POTEI: variants seen among roughly 807,000 people sequenced by gnomAD.
The protein encoded by POTEI is POTE ankyrin domain family member I, also known as POTE ankyrin domain family, member I.
A neutral mutation model predicts 43.4 loss-of-function variants in POTEI; 14 were observed. The observed-to-expected ratio is 0.32, with a 90% CI of 0.21 to 0.50. POTEI has a LOEUF of 0.50. Among genes scored for constraint, POTEI ranks in the 20% least tolerant of loss-of-function variants. The pLI, the probability that POTEI is intolerant of heterozygous loss-of-function variation, is 0.98. For synonymous variants in POTEI, 95 were observed against 297.9 expected, an observed-to-expected ratio of 0.32 and a Z score of 7.01; for missense variants, 235 against 795.4, an observed-to-expected ratio of 0.30 and a Z score of 8.47.
At chr2:130,491,803 C>T (rs4044418) in intron 6 of POTEI, among the ~76,000 whole-genome samples, 3 of 107,290 alleles carry the variant, frequency 2.8e-5, no homozygotes, top group Admixed American at 1.1e-4. Flanking sequence ...TACAGGCATG[C>T]ACCATCATGC....
intron 10 of POTEI, among the ~76,000 whole-genome samples, chr2:130,477,577 C>G (rs563799905): frequency 6.7e-6 from 1 of 148,878 alleles, no homozygotes; most frequent in Non-Finnish European, 1.5e-5. Context: ...ACCACCTAAA[C>G]TGTACATTAT....
At chr2:130,495,313 T>A (rs1483571724) in intron 6 of POTEI, among the ~76,000 whole-genome samples, 2 of 47,026 alleles carry the variant, frequency 4.3e-5, no homozygotes, top group African/African-American at 9.5e-5. Context: ...AAGAAAAAGC[T>A]CCTGTCTGTA....
chr2:130,493,039 C>T (rs1432400707), intron 6 of POTEI, among the ~76,000 whole-genome samples: 103 of 129,678 alleles, frequency 7.9e-4, no homozygotes, highest in African/African-American at 2.7e-3. Flanking sequence ...AAAGGAAGAA[C>T]ACAAAAATGC....
chr2:130,468,898 TA>T (rs1374773239), intron 13 of POTEI, among the ~76,000 whole-genome samples: 1 of 152,078 alleles, frequency 6.6e-6, no homozygotes, highest in Non-Finnish European at 1.5e-5. Context: ...TTTAATGAGA[TA>T]AAAATGTATA....
chr2:130,483,410 A>T (rs1034123021), intron 9 of POTEI, among the ~76,000 whole-genome samples: 7 of 132,432 alleles, frequency 5.3e-5, no homozygotes, highest in African/African-American at 2.1e-4. Flanking sequence ...AATTCCTCTG[A>T]CTCAGTTTAC....
In POTEI at chr2:130,463,578, G is replaced by C; in HGVS notation, c.2466C>G (p.Ile822Met). 1 of 1,578,622 alleles carries C rather than the reference G, an allele frequency of 6.3e-7. No individual in the cohort carries two copies. Among genetic ancestry groups the C allele is most frequent in the Non-Finnish European group, 8.6e-7 (1 of 1,163,208 alleles). ...CTGGGGTGTTGAAGGTCTCAAACAT[G>C]ATCTGGGTCATCTTCTCGCGGTTGG... ...PKANREKMTQ[I>M]MFETFNTPAM... Residue 822 changes from isoleucine to methionine, a missense_variant, in exon 15 of 15, where the codon ATC becomes ATG. Physicochemically the swap from Ile to Met is conservative, Grantham distance 10. Transcript: ENST00000451531.
Position 130,463,811 on chromosome 2 carries a change from C to T in POTEI, c.2233G>A (p.Gly745Arg). Residue 745 changes from glycine (G) to arginine (R), a missense_variant, in exon 15 of 15, where the codon GGG becomes AGG. Physicochemically the swap from Gly to Arg is moderately radical, Grantham distance 125. Coordinates refer to ENST00000451531, the MANE Select transcript of POTEI (RefSeq NM_001277406.2). ...TAGGACTCTTTCTGATGCATGCCCCCCATCATGCCCTGCTGCCTGGGGCGC... is the reference window on the plus strand; with the variant it reads ...TAGGACTCTTTCTGATGCATGCCCCTCATCATGCCCTGCTGCCTGGGGCGC... ...VGRPRQQGMM[G>R]GMHQKESYVG... 5.2e-6 allele frequency: 8 copies of T among 1,536,302 alleles called. No individual in the cohort carries two copies. The highest frequency in any genetic ancestry group is 2.5e-5 in the East Asian group (1 of 40,668).
intron 1 of POTEI, among the ~76,000 whole-genome samples, chr2:130,505,103 C>T (rs1442587537): frequency 2.3e-4 from 35 of 150,014 alleles, no homozygotes; most frequent in African/African-American, 8.6e-4. Context: ...GTGTGTGTTC[C>T]TTCCCTCTAG....
chr2:130,479,207 T>C (rs2672207), intron 10 of POTEI, among the ~76,000 whole-genome samples: 129 of 149,150 alleles, frequency 8.6e-4, no homozygotes, highest in African/African-American at 2.7e-3. Context: ...ACTGGGAACA[T>C]AAACATTTAC....
rs1208543783 is a variant in POTEI, at chr2:130,509,060, C to T, written c.176G>A (p.Ser59Asn). 6.7e-7 allele frequency: 1 copy of T among 1,497,342 alleles called. No homozygotes were observed. Among genetic ancestry groups the T allele is most frequent in the Admixed American group, 1.8e-5 (1 of 55,838 alleles). The allele number at this position is 1,497,342 out of a possible 1,614,324, so 92.8% of individuals were successfully genotyped here. Reference protein sequence around the residue: ...QDDSTMKTLRSKMGKWCCHCF... With the variant: ...QDDSTMKTLRNKMGKWCCHCF... The stretch of plus-strand genomic sequence containing the variant: ...GTGGCAGCACCACTTGCCCATCTTG[C>T]TCCTGAGTGTCTTCATAGTGGAGTC... Residue 59 changes from serine to asparagine, a missense_variant, in exon 1 of 15, where the codon AGC (serine) becomes AAC (asparagine). Transcript: ENST00000451531.
At chr2:130,475,146 A>G (rs1044038919) in intron 11 of POTEI, among the ~76,000 whole-genome samples, 195 bp from the exon 12 acceptor site, 4 of 127,004 alleles carry the variant, frequency 3.1e-5, no homozygotes, top group Non-Finnish European at 6.4e-5. Flanking sequence ...ATCTATGTTT[A>G]GCTACTGCCA....
rs749600927 is a variant in POTEI at position 130,468,703 on chromosome 2, T to TGTGG, written c.1779-2932_1779-2931insCCAC. On this transcript the variant is annotated intron_variant, in intron 13 of 14. Transcript: ENST00000451531. Reference sequence around the variant, plus strand: ...GCATAGAAACACAAAGCCAAACTATTGGGGGGGGGGGTATCCTTATTTTTA... The same window carrying TGTGG: ...GCATAGAAACACAAAGCCAAACTATTGTGGGGGGGGGGGGGTATCCTTATTTTTA... 4.0e-3 allele frequency among the ~76,000 whole-genome samples: 261 copies of TGTGG among 64,462 alleles called. 3 individuals carry two copies. The highest frequency in any genetic ancestry group is 7.2e-3 in the Non-Finnish European group (161 of 22,388). 42.3% of individuals were successfully genotyped at this position (64,462 alleles called of 152,430 possible).
intron 5 of POTEI, 117 bp from the exon 6 acceptor site, chr2:130,496,739 G>A: frequency 3.4e-6 from 3 of 887,174 alleles, no homozygotes; most frequent in Non-Finnish European, 3.4e-6. Flanking sequence ...GAACTTAATA[G>A]TATTATCCCA....
chr2:130,487,952 TTCA>T, intron 9 of POTEI, 77 bp downstream of exon 9: 3 of 555,162 alleles, frequency 5.4e-6, no homozygotes, highest in Non-Finnish European at 9.0e-6. Flanking sequence ...ATAAAATTTG[TTCA>T]TCATGAATAT....
chr2:130,502,105 G>A (rs1315663595), intron 3 of POTEI, among the ~76,000 whole-genome samples: 739 of 48,846 alleles, frequency 0.015, 4 homozygotes, highest in African/African-American at 0.029. Context: ...TGTTGTTGTT[G>A]TTGTTAGAGA....
At chr2:130,491,570 A>G (rs1193885722) in intron 6 of POTEI, among the ~76,000 whole-genome samples, 16 of 56,866 alleles carry the variant, frequency 2.8e-4, no homozygotes, top group African/African-American at 7.4e-4. Context: ...AAAAATTACT[A>G]CTGACACCTT....
At chr2:130,498,167 A>C (rs1249928645) in intron 5 of POTEI, among the ~76,000 whole-genome samples, 2 of 57,322 alleles carry the variant, frequency 3.5e-5, no homozygotes, top group Non-Finnish European at 3.6e-5. Flanking sequence ...GTAGCAAAGA[A>C]GAAGAAACAA....
intron 13 of POTEI, among the ~76,000 whole-genome samples, chr2:130,468,916 T>A (rs1682954582): frequency 6.6e-6 from 1 of 152,030 alleles, no homozygotes; most frequent in South Asian, 2.1e-4. Flanking sequence ...TATAACAATA[T>A]CACTAGTATT....
intron 1 of POTEI, among the ~76,000 whole-genome samples, chr2:130,505,086 GGC>G (rs1684119865): frequency 6.7e-6 from 1 of 149,744 alleles, no homozygotes; most frequent in South Asian, 2.2e-4. Context: ...CCCTCTGATA[GGC>G]CCCAGTGTGT....
Sources: gnomAD v4.1 joint callset for allele counts (sites outside exome capture counted in the v4.1 genomes callset) on GRCh38, gnomAD v4.1.1 for gene constraint, MANE v1.5 for transcripts, NCBI Gene and HGNC (gene_info 2026-07-23, HGNC 2026-07-21) for gene names.